C22orf31: variants seen among roughly 807,000 people sequenced by gnomAD.
The protein encoded by C22orf31 is chromosome 22 open reading frame 31, also known as uncharacterized protein C22orf31.
C22orf31 carries 11 observed loss-of-function variants against 15.0 expected under a neutral mutation model. The observed-to-expected ratio is 0.73, with a 90% CI of 0.46 to 1.21. The LOEUF (loss-of-function observed/expected upper bound fraction) is 1.21, where lower values mean the gene tolerates loss of function less well. Ranked by LOEUF, C22orf31 falls within the 50% of genes most tolerant of loss-of-function variation. The pLI is 0.00. For missense variants in C22orf31, 340 were observed against 347.2 expected, an observed-to-expected ratio of 0.98 and a Z score of 0.17; for synonymous variants, 132 against 133.3, an observed-to-expected ratio of 0.99 and a Z score of 0.07.
chr22:29,064,252 G>A (rs1448827793), upstream of C22orf31, among the ~76,000 whole-genome samples: 4 of 152,062 alleles, frequency 2.6e-5, no homozygotes, highest in Non-Finnish European at 5.9e-5. Flanking sequence ...TACCATACCC[G>A]GGCCCAGTTC....
chr22:29,060,740 G>A lies in C22orf31; in HGVS notation c.107C>T (p.Ala36Val), dbSNP rs1185097747. 1.2e-6 allele frequency: 2 copies of A among 1,614,170 alleles called. No homozygotes were observed. Among genetic ancestry groups the A allele is most frequent in the East Asian group, 2.2e-5 (1 of 44,878 alleles). The change falls in exon 2 of 3, where the codon GCT (alanine) becomes GTT (valine). Residue 36 changes from alanine (A) to valine (V), a missense_variant. By Grantham distance (64) the Ala-to-Val change is moderately conservative. Coordinates refer to ENST00000216071, the MANE Select transcript of C22orf31 (RefSeq NM_015370.2). Reference sequence around the variant, plus strand: ...TCTGGCCATCCAGATGTTGGTGAGAGCCGGTGAGTCCACATAGCAGTCCTG... The same window carrying A: ...TCTGGCCATCCAGATGTTGGTGAGAACCGGTGAGTCCACATAGCAGTCCTG... Reference protein sequence around the residue: ...RLQDCYVDSPALTNIWMARTC... With the variant: ...RLQDCYVDSPVLTNIWMARTC...
chr22:29,066,041 ATCT>A (rs2037426999), upstream of C22orf31, among the ~76,000 whole-genome samples: 2 of 150,604 alleles, frequency 1.3e-5, no homozygotes, highest in African/African-American at 4.9e-5. Context: ...AGCTCGTATA[ATCT>A]TCCTTCTTCC....
At position 29,058,981 on chromosome 22, in the gene C22orf31, C is replaced by G. The variant is rs2037350652; in HGVS notation, c.634G>C (p.Gly212Arg). Reference protein sequence around the residue: ...TLTIHGLPTEGYQALYHAVVE... With the variant: ...TLTIHGLPTERYQALYHAVVE... Reference sequence around the variant, plus strand: ...ACAGCGTGGTACAGAGCCTGGTAACCCTCTGTGGGGAGACCATGGATGGTT... The same window carrying G: ...ACAGCGTGGTACAGAGCCTGGTAACGCTCTGTGGGGAGACCATGGATGGTT... The change falls in exon 3 of 3, where the codon GGT becomes CGT. Residue 212 changes from glycine to arginine, a missense_variant. Gly to Arg is a moderately radical substitution (Grantham distance 125). Coordinates refer to ENST00000216071, the MANE Select transcript of C22orf31 (RefSeq NM_015370.2). The G allele has an allele frequency of 6.2e-7, 1 of 1,614,104 alleles. No homozygotes were observed. The highest frequency in any genetic ancestry group is 8.5e-7 in the Non-Finnish European group (1 of 1,179,948).
chr22:29,060,846 A>G lies in C22orf31; in HGVS notation c.4-3T>C. 1.2e-6 allele frequency: 2 copies of G among 1,607,684 alleles called. No individual in the cohort carries two copies. Among genetic ancestry groups the G allele is most frequent in the South Asian group, 1.1e-5 (1 of 90,446 alleles). On this transcript the variant is annotated splice_polypyrimidine_tract_variant and splice_region_variant and intron_variant, in intron 1 of 2. Transcript: ENST00000216071. ...TCTCGTCTCACATTGATTGGGTGCT[A>G]GAATTATAAGGAGGGAGAAATGAAT...
chr22:29,073,802 ACCC>A, the C22orf31 span, among the ~76,000 whole-genome samples: 1 of 147,188 alleles, frequency 6.8e-6, no homozygotes, highest in African/African-American at 2.5e-5. The surrounding 1 kb of genome is among the most constrained non-coding windows in gnomAD (Gnocchi z 4.4). Flanking sequence ...GTCCCCAGCG[ACCC>A]CTCCCGGGCC....
At chr22:29,069,162 T>C in the C22orf31 span, among the ~76,000 whole-genome samples, 1 of 152,116 alleles carries the variant, frequency 6.6e-6, no homozygotes, top group East Asian at 1.9e-4. Context: ...TAATCTCTCT[T>C]TGTTCTGGGG....
chr22:29,061,401 A>T (rs1235220887), intron 1 of C22orf31, among the ~76,000 whole-genome samples: 1 of 151,962 alleles, frequency 6.6e-6, no homozygotes, highest in Non-Finnish European at 1.5e-5. Flanking sequence ...GAAGTAGTTG[A>T]GATTACAGGC....
chr22:29,061,876 CT>C (rs376004796), upstream of C22orf31: 4,965 of 1,114,984 alleles, frequency 4.5e-3, 119 homozygotes, highest in African/African-American at 0.059. Flanking sequence ...CTCTCTCTCT[CT>C]TTTTTTTTGT....
intron 2 of C22orf31, 61 bp downstream of exon 2, chr22:29,060,353 CT>C: frequency 6.9e-7 from 1 of 1,446,832 alleles, no homozygotes; most frequent in Non-Finnish European, 9.5e-7. Context: ...TAAGTGTTCT[CT>C]GGCTTTACCT....
chr22:29,058,700 G>C lies in C22orf31; in HGVS notation c.*42C>G. On this transcript the variant is annotated 3_prime_UTR_variant, in exon 3 of 3. Coordinates refer to ENST00000216071, the MANE Select transcript of C22orf31 (RefSeq NM_015370.2). ...GGTGCAAAGTTGTGTTTATTTTTCA[G>C]ATCTCTAGCAGAGAATACTCTAATC... The C allele has an allele frequency of 4.1e-6, 6 of 1,454,658 alleles. No individual in the cohort carries two copies. Among genetic ancestry groups the C allele is most frequent in the South Asian group, 3.9e-5 (3 of 77,346 alleles). 90.1% of individuals were successfully genotyped at this position (1,454,658 alleles called of 1,614,324 possible). A position where few individuals can be genotyped will look rare whatever the true frequency, so the allele number is the denominator to read the frequency against.
chr22:29,058,877 C>G lies in C22orf31; in HGVS notation c.738G>C (p.Lys246Asn). ...SLELGKAIKQ[K>N]LWEALCSQGA... ...CCTGACTGCAAAGAGCCTCCCAGAG[C>G]TTTTGTTTAATGGCCTTGCCCAGCT... The change falls in exon 3 of 3, where the codon AAG becomes AAC. Residue 246 changes from lysine to asparagine, a missense_variant. Transcript: ENST00000216071. The G allele has an allele frequency of 6.2e-7, 1 of 1,614,202 alleles. No individual in the cohort carries two copies. Among genetic ancestry groups the G allele is most frequent in the Admixed American group, 1.7e-5 (1 of 60,028 alleles).
rs775049227 is a variant in C22orf31 at position 29,058,787 on chromosome 22, C to T, written c.828G>A (p.Glu276=). Residue 276 remains glutamate (E), a synonymous_variant, in exon 3 of 3, where the codon GAG becomes GAA. Coordinates refer to ENST00000216071, the MANE Select transcript of C22orf31 (RefSeq NM_015370.2). ...TGGGCCATTTCTTGAGTACAGGCTC[C>T]TCGTGGACACCTGGCTGCTTCCTGC... ...FPGRKQPGVH[E]EPVLKKWPKL... is the part of the protein sequence containing the mutation. The T allele has an allele frequency of 1.9e-6, 3 of 1,614,126 alleles. No individual in the cohort carries two copies. Among genetic ancestry groups the T allele is most frequent in the South Asian group, 1.1e-5 (1 of 91,082 alleles).
upstream of C22orf31, among the ~76,000 whole-genome samples, chr22:29,063,738 C>T (rs2037411354): frequency 6.6e-6 from 1 of 152,208 alleles, no homozygotes; most frequent in Non-Finnish European, 1.5e-5. Context: ...TGAAATGCTA[C>T]CAACCATCCT....
chr22:29,066,577 T>G (rs909938560), upstream of C22orf31, among the ~76,000 whole-genome samples: 1 of 107,168 alleles, frequency 9.3e-6, no homozygotes, highest in Non-Finnish European at 1.8e-5. Context: ...TTTTTTTTTT[T>G]TGAGATGCAG....
At chr22:29,062,308 T>G (rs1389909984), upstream of C22orf31, among the ~76,000 whole-genome samples, 1 of 152,096 alleles carries the variant, frequency 6.6e-6, no homozygotes, top group Non-Finnish European at 1.5e-5. Context: ...ACTGTTAAGT[T>G]CTCAGAACAG....
At chr22:29,067,154 A>AT in the C22orf31 span, among the ~76,000 whole-genome samples, 1 of 152,086 alleles carries the variant, frequency 6.6e-6, no homozygotes, top group Non-Finnish European at 1.5e-5. Flanking sequence ...TTCATAATGG[A>AT]TTTTTTTGCA....
Position 29,059,188 on chromosome 22 carries a change from C to T in C22orf31, c.433-6G>A. 6.3e-7 allele frequency: 1 copy of T among 1,581,660 alleles called. No individual in the cohort carries two copies. The highest frequency in any genetic ancestry group is 8.6e-7 in the Non-Finnish European group (1 of 1,165,562). Reference sequence around the variant, plus strand: ...TCCTTTGAACTTTCTTTACTCTAGCCAGGAAGAAAGCAGAGAAGTCAAAGC... The same window carrying T: ...TCCTTTGAACTTTCTTTACTCTAGCTAGGAAGAAAGCAGAGAAGTCAAAGC... On this transcript the variant is annotated splice_region_variant and splice_polypyrimidine_tract_variant and intron_variant, in intron 2 of 2. Coordinates refer to ENST00000216071, the MANE Select transcript of C22orf31 (RefSeq NM_015370.2).
At chr22:29,061,670 C>T (rs893409308) in intron 1 of C22orf31, 120 bp downstream of exon 1, 41 of 688,172 alleles carry the variant, frequency 6.0e-5, no homozygotes, top group South Asian at 3.1e-4. Context: ...TTAATGCTGC[C>T]GGCCTCCATT....
chr22:29,073,084 G>A, the C22orf31 span: 2 of 573,032 alleles, frequency 3.5e-6, no homozygotes, highest in Non-Finnish European at 4.4e-6. The surrounding 1 kb of genome is among the most constrained non-coding windows in gnomAD (Gnocchi z 4.4). Context: ...TCCCCGCGCT[G>A]CCCCCTTTAC....
Sources: gnomAD v4.1 joint callset for allele counts (sites outside exome capture counted in the v4.1 genomes callset) on GRCh38, gnomAD v4.1.1 for gene constraint, Gnocchi (gnomAD v3.1) non-coding constraint, MANE v1.5 for transcripts, NCBI Gene and HGNC (gene_info 2026-07-23, HGNC 2026-07-21) for gene names.